Variants in BDNF observed in about 807,000 individuals in gnomAD.
The protein encoded by BDNF is neurotrophic factor BDNF precursor form.
In BDNF, 1 loss-of-function variant was observed where a neutral mutation model predicts 19.5. The observed-to-expected ratio is 0.05, with a 90% CI of 0.02 to 0.24. BDNF has a LOEUF of 0.24. BDNF is among the 10% of genes least tolerant of loss of function. The pLI is 1.00. For missense variants in BDNF, 195 were observed against 317.6 expected (o/e 0.61, Z 2.93); for synonymous variants, 100 against 121.6 (o/e 0.82, Z 1.17).
At chr11:27,677,799 A>G (rs565736824) in intron 1 of BDNF, 3 of 152,376 alleles carry the variant, frequency 2.0e-5, no homozygotes, top group African/African-American at 7.2e-5. Context: ...CCAATTTATT[A>G]ACAAAACATT....
intron 1 of BDNF, among the ~76,000 whole-genome samples, chr11:27,684,339 T>A (rs1475533354): frequency 6.6e-6 from 1 of 152,206 alleles, no homozygotes; most frequent in Non-Finnish European, 1.5e-5. Flanking sequence ...AATCATGTCA[T>A]CTGCAAACAG....
intron 1 of BDNF, among the ~76,000 whole-genome samples, chr11:27,668,438 G>C: frequency 6.6e-6 from 1 of 151,358 alleles, no homozygotes; most frequent in Non-Finnish European, 1.5e-5. Context: ...GATAGAGACA[G>C]AAAAACTCCT....
chr11:27,683,053 C>T (rs1425801614), intron 1 of BDNF, among the ~76,000 whole-genome samples: 2 of 152,186 alleles, frequency 1.3e-5, no homozygotes, highest in African/African-American at 2.4e-5. Context: ...TATTTCTCTA[C>T]ATCCTCTCCT....
In BDNF at chr11:27,656,163, C is replaced by T. The variant is rs1278395069; in HGVS notation, c.*1658G>A. 3.9e-5 allele frequency: 6 copies of T among 152,120 alleles called. No individual in the cohort carries two copies. Among genetic ancestry groups the T allele is most frequent in the Non-Finnish European group, 8.8e-5 (6 of 68,014 alleles). 9.4% of individuals were successfully genotyped at this position (152,120 alleles called of 1,614,324 possible). On this transcript the variant is annotated 3_prime_UTR_variant, in exon 2 of 2. Coordinates refer to ENST00000356660, the MANE Select transcript of BDNF (RefSeq NM_001709.5). ...CTTTTCCTGTTCCCTTTTCCCTTAC[C>T]AAAAGTTCTCAAAAGATAAACCCTG... is the stretch of plus-strand genomic sequence containing the variant.
intron 1 of BDNF, among the ~76,000 whole-genome samples, chr11:27,713,897 A>C (rs1196080484): frequency 2.0e-5 from 3 of 152,242 alleles, no homozygotes; most frequent in African/African-American, 7.2e-5. Flanking sequence ...CAGAGGTTGC[A>C]TGTTACTAAA....
At chr11:27,716,019 T>C (rs1860493572) in intron 1 of BDNF, among the ~76,000 whole-genome samples, 1 of 152,182 alleles carries the variant, frequency 6.6e-6, no homozygotes, top group Admixed American at 6.5e-5. Context: ...TCAGAATGAA[T>C]ACTCCAAAAA....
At chr11:27,700,609 G>A, upstream of BDNF, 1 of 975,918 alleles carries the variant, frequency 1.0e-6, no homozygotes, top group Non-Finnish European at 1.2e-6. Context: ...GGAACGCCGC[G>A]TCTTTTCCTC....
Position 27,657,697 on chromosome 11 carries a change from C to T in BDNF, c.*124G>A. 4 of 1,500,040 alleles carry T rather than the reference C, an allele frequency of 2.7e-6. No homozygotes were observed. Among genetic ancestry groups the T allele is most frequent in the Middle Eastern group, 4.9e-4 (2 of 4,104 alleles). The allele number at this position is 1,500,040 out of a possible 1,614,324, so 92.9% of individuals were successfully genotyped here. Reference sequence around the variant, plus strand: ...TTGTAGAACCACTGTACTGTATAAACTTCATTTATACATGCAGTTCATAAA... The same window carrying T: ...TTGTAGAACCACTGTACTGTATAAATTTCATTTATACATGCAGTTCATAAA... On this transcript the variant is annotated 3_prime_UTR_variant, in exon 2 of 2. Transcript: ENST00000356660. This position sits in a 1 kb window ranked among gnomAD's most constrained non-coding sequence, Gnocchi z 5.0.
At chr11:27,677,162 T>C (rs1423853065) in intron 1 of BDNF, 2 of 152,238 alleles carry the variant, frequency 1.3e-5, no homozygotes, top group African/African-American at 4.8e-5. Context: ...TCACCTCCTA[T>C]TTCTCATCTA....
At chr11:27,693,125 T>G (rs1463055201) in intron 1 of BDNF, among the ~76,000 whole-genome samples, 2 of 152,222 alleles carry the variant, frequency 1.3e-5, no homozygotes, top group Non-Finnish European at 2.9e-5. Context: ...ATGATGTACC[T>G]AAAACAACTT....
chr11:27,701,372 A>C, upstream of BDNF: 3 of 1,050,998 alleles, frequency 2.9e-6, no homozygotes, highest in African/African-American at 1.7e-5. Context: ...AAACTCCCAC[A>C]CTCTATTATT....
At chr11:27,706,160 G>A (rs528195305) in intron 1 of BDNF, among the ~76,000 whole-genome samples, 4 of 152,256 alleles carry the variant, frequency 2.6e-5, no homozygotes, top group Non-Finnish European at 4.4e-5. Flanking sequence ...CAGTTATTTC[G>A]GTTAGCAGTG....
intron 1 of BDNF, chr11:27,696,272 T>G (rs1858980309): frequency 6.6e-6 from 1 of 152,196 alleles, no homozygotes; most frequent in Non-Finnish European, 1.5e-5. Flanking sequence ...ACTCTATGTT[T>G]CCTAGGTTTA....
intron 1 of BDNF, among the ~76,000 whole-genome samples, chr11:27,686,333 G>A (rs540735787): frequency 6.6e-6 from 1 of 152,240 alleles, no homozygotes; most frequent in African/African-American, 2.4e-5. Context: ...ACACTGATGG[G>A]TCTTGACTCT....
rs779658522 is a variant in BDNF, at chr11:27,658,402, C to T, written c.163G>A (p.Gly55Ser). 1.2e-5 allele frequency: 20 copies of T among 1,614,200 alleles called. No homozygotes were observed. Among genetic ancestry groups the T allele is most frequent in the South Asian group, 9.9e-5 (9 of 91,090 alleles). ...AAAGTGTCAGCCAATGATGTCAAGCCTCTTGAACCTGCCTTGGGCCCATTC... is the reference window on the plus strand; with the variant it reads ...AAAGTGTCAGCCAATGATGTCAAGCTTCTTGAACCTGCCTTGGGCCCATTC... ...SVNGPKAGSR[G>S]LTSLADTFEH... Residue 55 changes from glycine to serine, a missense_variant, in exon 2 of 2, where the codon GGC (glycine) becomes AGC (serine). Around this residue, in one of 2 missense-constraint regions of BDNF, gnomAD observed 124 missense variants for 155.0 expected, o/e 0.80. Coordinates refer to ENST00000356660, the MANE Select transcript of BDNF (RefSeq NM_001709.5). The surrounding 1 kb of genome is among the most constrained non-coding windows in gnomAD (Gnocchi z 5.7).
chr11:27,679,820 C>T (rs906605315), intron 1 of BDNF, among the ~76,000 whole-genome samples: 6 of 152,236 alleles, frequency 3.9e-5, no homozygotes, highest in African/African-American at 1.2e-4. Context: ...GAGCTCTGGT[C>T]GCTCAGTTGA....
At chr11:27,675,749 A>C (rs1467066942) in intron 1 of BDNF, 1 of 152,088 alleles carries the variant, frequency 6.6e-6, no homozygotes, top group Non-Finnish European at 1.5e-5. Flanking sequence ...AGTTCAGAAA[A>C]CGACTTCAGA....
intron 1 of BDNF, chr11:27,659,775 T>A: frequency 1.4e-6 from 1 of 699,546 alleles, no homozygotes; most frequent in Non-Finnish European, 1.8e-6. Context: ...GGAAGTCCCT[T>A]AAAAGCATAC....
In BDNF at chr11:27,657,082, T is replaced by G. The variant is rs1164841707; in HGVS notation, c.*739A>C. The G allele has an allele frequency of 5.1e-6, 5 of 985,520 alleles. No individual in the cohort carries two copies. Among genetic ancestry groups the G allele is most frequent in the Admixed American group, 1.2e-4 (2 of 16,262 alleles). The allele number at this position is 985,520 out of a possible 1,614,324, so 61.0% of individuals were successfully genotyped here. A position where few individuals can be genotyped will look rare whatever the true frequency, so the allele number is the denominator to read the frequency against. Reference sequence around the variant, plus strand: ...TCACGGGATGTGGAGTGTGAGCATTTTTTTGTTCAGTTGCCTTAATTTTTA... The same window carrying G: ...TCACGGGATGTGGAGTGTGAGCATTGTTTTGTTCAGTTGCCTTAATTTTTA... On this transcript the variant is annotated 3_prime_UTR_variant, in exon 2 of 2. Coordinates refer to ENST00000356660, the MANE Select transcript of BDNF (RefSeq NM_001709.5). The surrounding 1 kb of genome is among the most constrained non-coding windows in gnomAD (Gnocchi z 5.0).
Sources: allele counts gnomAD v4.1 joint callset (sites outside exome capture counted in the v4.1 genomes callset), GRCh38; gene constraint gnomAD v4.1.1; regional missense constraint gnomAD v4.1.1; non-coding constraint Gnocchi (gnomAD v3.1); transcripts MANE v1.5; gene names NCBI Gene and HGNC (gene_info 2026-07-23, HGNC 2026-07-21).